ATP6V1D: variants seen among roughly 807,000 people sequenced by gnomAD.
ATP6V1D encodes V-type proton ATPase subunit D.
ATP6V1D carries 20 observed loss-of-function variants against 39.4 expected under a neutral mutation model. That is an observed-to-expected ratio of 0.51 (90% CI 0.36 to 0.74). ATP6V1D has a LOEUF of 0.74. Among genes scored for constraint, ATP6V1D ranks in the 30% least tolerant of loss-of-function variants. The pLI is 0.00. For missense variants in ATP6V1D, 228 were observed against 291.6 expected (o/e 0.78, Z 1.59); for synonymous variants, 100 against 100.5 (o/e 0.99, Z 0.03).
rs1371181078 is a variant in ATP6V1D, at chr14:67,344,447, CAAG to C, written c.457-1012_457-1010del. Among the ~76,000 whole-genome samples, 5 of 152,218 alleles carry C rather than the reference CAAG, an allele frequency of 3.3e-5. No individual in the cohort carries two copies. The East Asian group carries it at 9.7e-4, about 29-fold the overall frequency. On this transcript the variant is annotated intron_variant, in intron 6 of 8. Transcript: ENST00000216442. Reference sequence around the variant, plus strand: ...CACCTAAATAACAACATAAAAATGACAAGAAAGAATCAAGCATTAATAACCTAG... The same window carrying C: ...CACCTAAATAACAACATAAAAATGACAAAGAATCAAGCATTAATAACCTAG...
Position 67,359,762 on chromosome 14 carries a change from C to A in ATP6V1D, c.-64G>T. The A allele has an allele frequency of 6.3e-7, 1 of 1,588,490 alleles. No homozygotes were observed. The highest frequency in any genetic ancestry group is 1.7e-4 in the Middle Eastern group (1 of 5,894). The stretch of plus-strand genomic sequence containing the variant: ...AACCGAGGCTGCAATAGCTCCAGAA[C>A]TGGCCTCCACAGTGTCTTCCTCTAC... On this transcript the variant is annotated 5_prime_UTR_variant, in exon 1 of 9. Transcript: ENST00000216442.
rs1396873472 is a variant in ATP6V1D, at chr14:67,357,547, TG to T, written c.41+2110del. Among the ~76,000 whole-genome samples the T allele has an allele frequency of 2.0e-5, 3 of 152,214 alleles. No homozygotes were observed. In the East Asian group the frequency reaches 5.8e-4, roughly 29 times the overall value. ...ACCTAAGCCCAAAGATGTCTATTTTTGCCTCTTAGTCTCAAAGTAAAAGTTT... is the reference window on the plus strand; with the variant it reads ...ACCTAAGCCCAAAGATGTCTATTTTTCCTCTTAGTCTCAAAGTAAAAGTTT... On this transcript the variant is annotated intron_variant, in intron 1 of 8. Coordinates refer to ENST00000216442, the MANE Select transcript of ATP6V1D (RefSeq NM_015994.4).
chr14:67,352,903 C>T lies in ATP6V1D; in HGVS notation c.159+20G>A, dbSNP rs763603424. ...GGATTTTTCTAAAATAAATACTATTCTAAGAAAAGTTCATTCTACCTCTAT... is the reference window on the plus strand; with the variant it reads ...GGATTTTTCTAAAATAAATACTATTTTAAGAAAAGTTCATTCTACCTCTAT... On this transcript the variant is annotated intron_variant, in intron 2 of 8. Coordinates refer to ENST00000216442, the MANE Select transcript of ATP6V1D (RefSeq NM_015994.4). 2.2e-5 allele frequency: 33 copies of T among 1,531,880 alleles called. No homozygotes were observed. The South Asian group carries it at 3.6e-4, about 17-fold the overall frequency. 94.9% of individuals were successfully genotyped at this position (1,531,880 alleles called of 1,614,324 possible). A position where few individuals can be genotyped will look rare whatever the true frequency, so the allele number is the denominator to read the frequency against.
chr14:67,352,363 C>T (rs1456201649), intron 2 of ATP6V1D, among the ~76,000 whole-genome samples: 12 of 149,260 alleles, frequency 8.0e-5, no homozygotes, highest in African/African-American at 1.2e-4. Context: ...CACAGCTACT[C>T]GAGAGGCTGA....
chr14:67,349,065 C>A lies in ATP6V1D; in HGVS notation c.279G>T (p.Lys93Asn), dbSNP rs1472518450. The A allele has an allele frequency of 6.2e-7, 1 of 1,614,116 alleles. No individual in the cohort carries two copies. The highest frequency in any genetic ancestry group is 1.7e-5 in the Admixed American group (1 of 60,020). The stretch of plus-strand genomic sequence containing the variant: ...CTACATTATCTTTCTTCGCTCGAAT[C>A]TTCACTTGCGCTTTATTGACATTTT... The part of the protein sequence containing the change: ...VIQNVNKAQV[K>N]IRAKKDNVAG... Residue 93 changes from lysine (K) to asparagine (N), a missense_variant, in exon 4 of 9, where the codon AAG becomes AAT. Lys to Asn is a moderately conservative substitution (Grantham distance 94). Around this residue, in one of 3 missense-constraint regions of ATP6V1D, gnomAD observed 104 missense variants for 120.2 expected, o/e 0.87. Coordinates refer to ENST00000216442, the MANE Select transcript of ATP6V1D (RefSeq NM_015994.4).
chr14:67,358,661 C>G (rs2085703143), intron 1 of ATP6V1D, among the ~76,000 whole-genome samples: 1 of 152,182 alleles, frequency 6.6e-6, no homozygotes, highest in Admixed American at 6.5e-5. Context: ...GATCATACCA[C>G]TGCACCCCAG....
chr14:67,353,965 GA>G (rs111550964), intron 1 of ATP6V1D: 24,787 of 138,594 alleles, frequency 0.18, 2,855 homozygotes, highest in African/African-American at 0.35. Context: ...TGTCCCTTTA[GA>G]AAAAAAAAAA....
rs1346662495 is a variant in ATP6V1D at position 67,350,547 on chromosome 14, A to T, written c.239+64T>A. 4 of 1,400,758 alleles carry T rather than the reference A, an allele frequency of 2.9e-6. No individual in the cohort carries two copies. In the African/African-American group the frequency reaches 5.8e-5, roughly 20 times the overall value. The allele number at this position is 1,400,758 out of a possible 1,614,324, so 86.8% of individuals were successfully genotyped here. A position where few individuals can be genotyped will look rare whatever the true frequency, so the allele number is the denominator to read the frequency against. On this transcript the variant is annotated intron_variant, in intron 3 of 8. Transcript: ENST00000216442. ...ATTTCTAAATTAAAAAATGCTTTTT[A>T]AATGAAATTATGAGACTGAAATCAC...
At position 67,353,016 on chromosome 14, in the gene ATP6V1D, A is replaced by C. The variant is rs1566602467; in HGVS notation, c.66T>G (p.Arg22=). Residue 22 remains arginine, a synonymous_variant, in exon 2 of 9, where the codon CGT becomes CGG. Transcript: ENST00000216442. ...TTCGACCTGTCTGTGCTCCCTTTAA[A>C]CGAGCCTTCATGATGGTCTGTGCCC... The part of the protein sequence containing the change: ...SRMAQTIMKA[R]LKGAQTGRNL... 1 of 1,613,870 alleles carries C rather than the reference A, an allele frequency of 6.2e-7. No homozygotes were observed. Among genetic ancestry groups the C allele is most frequent in the Non-Finnish European group, 8.5e-7 (1 of 1,179,884 alleles).
intron 1 of ATP6V1D, among the ~76,000 whole-genome samples, chr14:67,356,439 A>AC (rs199743297): frequency 2.1e-5 from 3 of 143,316 alleles, no homozygotes; most frequent in East Asian, 2.4e-4. Context: ...AAAAACAAAA[A>AC]AAAAAAAACA....
Position 67,338,224 on chromosome 14 carries a change from A to C in ATP6V1D, c.*397T>G, listed in dbSNP as rs138652494. 95 of 156,800 alleles carry C rather than the reference A, an allele frequency of 6.1e-4. No individual in the cohort carries two copies. The highest frequency in any genetic ancestry group is 2.1e-3 in the African/African-American group (89 of 41,738). The allele number at this position is 156,800 out of a possible 1,614,324, so 9.7% of individuals were successfully genotyped here. A position where few individuals can be genotyped will look rare whatever the true frequency, so the allele number is the denominator to read the frequency against. ...CCATGGTAACAAGAATGGCTGCAGC[A>C]ATCTCAGACAACAGCGCCAAGGTTT... On this transcript the variant is annotated 3_prime_UTR_variant, in exon 9 of 9. Transcript: ENST00000216442.
intron 2 of ATP6V1D, 65 bp from the exon 3 acceptor site, chr14:67,350,755 T>C: frequency 7.1e-7 from 1 of 1,417,110 alleles, no homozygotes; most frequent in East Asian, 2.3e-5. Flanking sequence ...TCCATCATAA[T>C]TATGTTCCTT....
chr14:67,350,603 C>T lies in ATP6V1D; in HGVS notation c.239+8G>A. On this transcript the variant is annotated splice_region_variant and intron_variant, in intron 3 of 8. Coordinates refer to ENST00000216442, the MANE Select transcript of ATP6V1D (RefSeq NM_015994.4). ...TTTGCTTCAAAACACCCCGTTTAGTCCCCTTACCTGAAGTCACCTGCTGTG... is the reference window on the plus strand; with the variant it reads ...TTTGCTTCAAAACACCCCGTTTAGTTCCCTTACCTGAAGTCACCTGCTGTG... 3.7e-6 allele frequency: 6 copies of T among 1,611,908 alleles called. No individual in the cohort carries two copies. The highest frequency in any genetic ancestry group is 2.2e-5 in the East Asian group (1 of 44,774).
At chr14:67,359,366 G>GT (rs1462497949) in intron 1 of ATP6V1D, among the ~76,000 whole-genome samples, 2 of 152,172 alleles carry the variant, frequency 1.3e-5, no homozygotes, top group East Asian at 3.8e-4. Context: ...CTCAATAAGG[G>GT]TATGTGGAAT....
Position 67,350,595 on chromosome 14 carries a change from C to G in ATP6V1D, c.239+16G>C. On this transcript the variant is annotated intron_variant, in intron 3 of 8. Coordinates refer to ENST00000216442, the MANE Select transcript of ATP6V1D (RefSeq NM_015994.4). ...CACTTTGTTTTGCTTCAAAACACCCCGTTTAGTCCCCTTACCTGAAGTCAC... is the reference window on the plus strand; with the variant it reads ...CACTTTGTTTTGCTTCAAAACACCCGGTTTAGTCCCCTTACCTGAAGTCAC... 1 of 1,603,210 alleles carries G rather than the reference C, an allele frequency of 6.2e-7. No homozygotes were observed. Among genetic ancestry groups the G allele is most frequent in the Non-Finnish European group, 8.5e-7 (1 of 1,174,630 alleles).
At chr14:67,345,997 T>C (rs2085617254) in intron 5 of ATP6V1D, 126 bp from the exon 6 acceptor site, 1 of 658,876 alleles carries the variant, frequency 1.5e-6, no homozygotes, top group East Asian at 2.7e-5. Context: ...CTTCATTGAA[T>C]GTAAACATGA....
intron 2 of ATP6V1D, 96 bp from the exon 3 acceptor site, chr14:67,350,786 T>G: frequency 8.6e-7 from 1 of 1,163,992 alleles, no homozygotes; most frequent in Non-Finnish European, 1.2e-6. Context: ...CAGTATTTTA[T>G]GCTGGCTGTG....
In ATP6V1D at chr14:67,353,000, T is replaced by C. The variant is rs760322362; in HGVS notation, c.82A>G (p.Thr28Ala). The part of the protein sequence containing the change: ...IMKARLKGAQ[T>A]GRNLLKKKSD... ...TTTTTCTTCAGGAGGTTTCGACCTG[T>C]CTGTGCTCCCTTTAAACGAGCCTTC... The change falls in exon 2 of 9, where the codon ACA becomes GCA. Residue 28 changes from threonine to alanine, a missense_variant. Thr to Ala is a moderately conservative substitution (Grantham distance 58, BLOSUM62 0). Around this residue, in one of 3 missense-constraint regions of ATP6V1D, gnomAD observed 104 missense variants for 120.2 expected, o/e 0.87. Coordinates refer to ENST00000216442, the MANE Select transcript of ATP6V1D (RefSeq NM_015994.4). 1.9e-6 allele frequency: 3 copies of C among 1,614,114 alleles called. No individual in the cohort carries two copies. Among genetic ancestry groups the C allele is most frequent in the Non-Finnish European group, 2.5e-6 (3 of 1,179,996 alleles).
intron 7 of ATP6V1D, 42 bp from the exon 8 acceptor site, chr14:67,340,560 C>T: frequency 6.5e-7 from 1 of 1,527,880 alleles, no homozygotes; most frequent in Non-Finnish European, 9.0e-7. Context: ...AACTTCAAAC[C>T]CCTTTTTTCA....
Sources: gnomAD v4.1 joint callset for allele counts (sites outside exome capture counted in the v4.1 genomes callset) on GRCh38, gnomAD v4.1.1 for gene constraint, gnomAD v4.1.1 regional missense constraint, MANE v1.5 for transcripts, NCBI Gene and HGNC (gene_info 2026-07-23, HGNC 2026-07-21) for gene names.